The following STRIP1 variants were observed in gnomAD, a reference collection of about 807,000 sequenced individuals.
The protein encoded by STRIP1 is striatin interacting protein 1.
STRIP1 carries 63 observed loss-of-function variants against 106.2 expected under a neutral mutation model. The ratio of observed to expected loss-of-function variants is 0.59; its 90% CI spans 0.48 to 0.73. The LOEUF (loss-of-function observed/expected upper bound fraction) is 0.73. STRIP1 is among the 30% of genes least tolerant of loss of function. The pLI is 0.00. For synonymous variants in STRIP1, 390 were observed against 413.0 expected (o/e 0.94, Z 0.67); for missense variants, 857 against 1,074.8 (o/e 0.80, Z 2.83).
In STRIP1 at chr1:110,043,138, C is replaced by A; in HGVS notation, c.936C>A (p.Arg312=). The A allele has an allele frequency of 6.2e-7, 1 of 1,614,000 alleles. No individual in the cohort carries two copies. The highest frequency in any genetic ancestry group is 8.5e-7 in the Non-Finnish European group (1 of 1,180,014). ...TGCAGAGCATGAAGGCTGAGAAGCG[C>A]AGCATCCTGGGCCTCCCCCCGCTTC... ...EELQSMKAEK[R]SILGLPPLPE... The change falls in exon 9 of 21, where the codon CGC becomes CGA. Residue 312 remains arginine, a synonymous_variant. Transcript: ENST00000369795.
At chr1:110,047,505 G>T (rs1395562791) in intron 13 of STRIP1, 37 bp from the exon 14 acceptor site, 1 of 1,553,622 alleles carries the variant, frequency 6.4e-7, no homozygotes, top group South Asian at 1.1e-5. Flanking sequence ...TTGTATTCTG[G>T]GCTGGGGTTT....
intron 17 of STRIP1, 119 bp from the exon 18 acceptor site, chr1:110,050,224 T>C (rs748159727): frequency 1.1e-4 from 98 of 913,418 alleles, no homozygotes; most frequent in Non-Finnish European, 1.6e-4. Context: ...ATCAGGTAGA[T>C]TCCTACTTCT....
At chr1:110,039,814 G>C in intron 5 of STRIP1, 2 of 1,333,000 alleles carry the variant, frequency 1.5e-6, no homozygotes, top group Non-Finnish European at 2.0e-6. Context: ...GCTCTCTTTT[G>C]AACCTGCAGA....
intron 7 of STRIP1, 34 bp downstream of exon 7, chr1:110,041,676 C>A: frequency 6.2e-7 from 1 of 1,614,092 alleles, no homozygotes; most frequent in Non-Finnish European, 8.5e-7. Flanking sequence ...AGAGGCCCTG[C>A]CTGGAAGCTG....
Position 110,041,603 on chromosome 1 carries a change from G to A in STRIP1, c.718G>A (p.Glu240Lys). 1 of 1,614,140 alleles carries A rather than the reference G, an allele frequency of 6.2e-7. No individual in the cohort carries two copies. Among genetic ancestry groups the A allele is most frequent in the Non-Finnish European group, 8.5e-7 (1 of 1,180,022 alleles). Residue 240 changes from glutamate (E) to lysine (K), a missense_variant, in exon 7 of 21, where the codon GAG becomes AAG. Physicochemically the swap from Glu to Lys is moderately conservative, Grantham distance 56. Around this residue, in one of 2 missense-constraint regions of STRIP1, gnomAD observed 750 missense variants for 989.8 expected, o/e 0.76. Coordinates refer to ENST00000369795, the MANE Select transcript of STRIP1 (RefSeq NM_033088.4). ...TCAGGAGTGTGAGGGTGACAAGGCT[G>A]AGTGGAGGACCATGCGGCAGACCTT... ...VHQECEGDKAEWRTMRQTFRA... is the reference protein window; with the variant it reads ...VHQECEGDKAKWRTMRQTFRA...
intron 7 of STRIP1, 33 bp from the exon 8 acceptor site, chr1:110,041,701 G>A (rs1303273169): frequency 1.9e-6 from 3 of 1,613,996 alleles, no homozygotes; most frequent in Non-Finnish European, 2.5e-6. Context: ...GGAAGGCTTT[G>A]GGAGGGTCCT....
intron 10 of STRIP1, 28 bp from the exon 11 acceptor site, chr1:110,044,812 C>T (rs1295939188): frequency 6.2e-7 from 1 of 1,610,150 alleles, no homozygotes; most frequent in Non-Finnish European, 8.5e-7. Flanking sequence ...AACCTTTTTT[C>T]TTTCTCTCTT....
chr1:110,038,576 G>A, intron 2 of STRIP1, 107 bp from the exon 3 acceptor site: 1 of 813,274 alleles, frequency 1.2e-6, no homozygotes, highest in Non-Finnish European at 2.1e-6. Context: ...CTATGACTCA[G>A]GGGCAGAGTT....
At chr1:110,039,701 A>T in intron 5 of STRIP1, 186 bp downstream of exon 5, 1 of 986,172 alleles carries the variant, frequency 1.0e-6, no homozygotes, top group Non-Finnish European at 1.5e-6. Context: ...ATGGAGACTA[A>T]TGACAGGTCC....
chr1:110,038,619 A>C, intron 2 of STRIP1, 64 bp from the exon 3 acceptor site: 2 of 1,384,626 alleles, frequency 1.4e-6, no homozygotes, highest in Non-Finnish European at 1.0e-6. Context: ...CCTTCTCTGC[A>C]CTTGTGAGAC....
rs1305748435 is a variant in STRIP1, at chr1:110,051,180, A to G, written c.2061+120A>G. ...TCTCACTTAACTTTGCTGTAGCCGT[A>G]TCCTTGCATTTTAAGGGCCAATTCC... On this transcript the variant is annotated intron_variant, in intron 19 of 20. Coordinates refer to ENST00000369795, the MANE Select transcript of STRIP1 (RefSeq NM_033088.4). 4.3e-6 allele frequency: 3 copies of G among 691,526 alleles called. 1 individual carries two copies. The East Asian group carries it at 7.8e-5, about 18-fold the overall frequency. The allele number at this position is 691,526 out of a possible 1,614,324, so 42.8% of individuals were successfully genotyped here. A position where few individuals can be genotyped will look rare whatever the true frequency, so the allele number is the denominator to read the frequency against.
rs753025068 is a variant in STRIP1, at chr1:110,039,399, G to T, written c.465G>T (p.Thr155=). 38 of 1,614,064 alleles carry T rather than the reference G, an allele frequency of 2.4e-5. No individual in the cohort carries two copies. Among genetic ancestry groups the T allele is most frequent in the Non-Finnish European group, 3.0e-5 (35 of 1,180,026 alleles). ...ARAILYVAQG[T]FGECSSEAEV... ...GAGTTGAACCCTGCATTGCAGGCAC[G>T]TTTGGGGAGTGCAGCTCGGAGGCAG... is the stretch of plus-strand genomic sequence containing the variant. The change falls in exon 5 of 21, where the codon ACG becomes ACT. Residue 155 remains threonine (T), a synonymous_variant. Coordinates refer to ENST00000369795, the MANE Select transcript of STRIP1 (RefSeq NM_033088.4).
In STRIP1 at chr1:110,049,749, A is replaced by C. The variant is rs1653204410; in HGVS notation, c.1889+189A>C. 15 of 562,360 alleles carry C rather than the reference A, an allele frequency of 2.7e-5. No individual in the cohort carries two copies. In the South Asian group the frequency reaches 3.3e-4, roughly 12 times the overall value. The allele number at this position is 562,360 out of a possible 1,614,324, so 34.8% of individuals were successfully genotyped here. A position where few individuals can be genotyped will look rare whatever the true frequency, so the allele number is the denominator to read the frequency against. ...CACTGTGTCAAATCTGAGTCTAGCTAGTCCTGCCCCAGGTGACTTGGTCTG... is the reference window on the plus strand; with the variant it reads ...CACTGTGTCAAATCTGAGTCTAGCTCGTCCTGCCCCAGGTGACTTGGTCTG... On this transcript the variant is annotated intron_variant, in intron 17 of 20. Transcript: ENST00000369795.
intron 10 of STRIP1, 127 bp from the exon 11 acceptor site, chr1:110,044,713 A>C (rs1652932794): frequency 1.1e-6 from 1 of 869,610 alleles, no homozygotes; most frequent in Admixed American, 2.9e-5. Context: ...TCAAAGAGAA[A>C]AACAATTATA....
intron 17 of STRIP1, 199 bp downstream of exon 17, chr1:110,049,759 C>G: frequency 1.8e-6 from 1 of 553,190 alleles, no homozygotes; most frequent in Non-Finnish European, 3.2e-6. Context: ...AGTCCTGCCC[C>G]AGGTGACTTG....
chr1:110,035,046 G>A (rs1474231433), intron 1 of STRIP1, among the ~76,000 whole-genome samples: 1 of 152,220 alleles, frequency 6.6e-6, no homozygotes, highest in Non-Finnish European at 1.5e-5. Context: ...CCCGTGGCCG[G>A]CGACTGCTGG....
chr1:110,041,388 T>C (rs1652749865), intron 6 of STRIP1, 148 bp from the exon 7 acceptor site: 1 of 613,486 alleles, frequency 1.6e-6, no homozygotes, highest in Non-Finnish European at 2.9e-6. Context: ...GGGTGGTAAA[T>C]GCTTTTGGCC....
intron 16 of STRIP1, 53 bp from the exon 17 acceptor site, chr1:110,049,407 A>C: frequency 1.3e-6 from 2 of 1,544,634 alleles, no homozygotes; most frequent in Non-Finnish European, 1.8e-6. Flanking sequence ...GAAAGAGGGC[A>C]AGGTCCCAAG....
rs1465595545 is a variant in STRIP1, at chr1:110,054,304, C to G, written c.*392C>G. The stretch of plus-strand genomic sequence containing the variant: ...GACATACAAATCCTTGCTTTGTCAG[C>G]TTGCAAAGGAGGAGAGTTTAGGATT... On this transcript the variant is annotated 3_prime_UTR_variant, in exon 21 of 21. Coordinates refer to ENST00000369795, the MANE Select transcript of STRIP1 (RefSeq NM_033088.4). The G allele has an allele frequency of 5.2e-6, 1 of 190,760 alleles. No homozygotes were observed. The highest frequency in any genetic ancestry group is 1.5e-4 in the East Asian group (1 of 6,876). The allele number at this position is 190,760 out of a possible 1,614,324, so 11.8% of individuals were successfully genotyped here.
Sources: gnomAD v4.1 joint callset for allele counts (sites outside exome capture counted in the v4.1 genomes callset) on GRCh38, gnomAD v4.1.1 for gene constraint, gnomAD v4.1.1 regional missense constraint, MANE v1.5 for transcripts, NCBI Gene and HGNC (gene_info 2026-07-23, HGNC 2026-07-21) for gene names.